ASH1L: variants seen among roughly 807,000 people sequenced by gnomAD.
The protein encoded by ASH1L is ASH1 like histone lysine methyltransferase, also known as histone-lysine N-methyltransferase ASH1L.
Under a neutral mutation model 269.0 loss-of-function variants are expected in ASH1L, and 23 were observed. The observed-to-expected ratio is 0.09, with a 90% CI of 0.06 to 0.12. ASH1L has a LOEUF of 0.12. Ranked by LOEUF, ASH1L falls within the 10% of genes least tolerant of loss-of-function variation. The probability of loss-of-function intolerance (pLI) is 1.00; values close to 1 mark genes in which losing one functional copy is unlikely to be tolerated. For missense variants in ASH1L, 2,912 were observed against 3,567.8 expected (o/e 0.82, Z 4.68); for synonymous variants, 1,187 against 1,253.5 (o/e 0.95, Z 1.12).
intron 12 of ASH1L, among the ~76,000 whole-genome samples, chr1:155,364,003 G>A (rs1242386899): frequency 6.6e-6 from 1 of 150,584 alleles, no homozygotes; most frequent in Non-Finnish European, 1.5e-5. Context: ...CCAAAAAAAG[G>A]TATCTTCTGG....
chr1:155,369,978 A>G (rs1024408765), intron 12 of ASH1L, among the ~76,000 whole-genome samples: 5 of 152,190 alleles, frequency 3.3e-5, no homozygotes, highest in African/African-American at 1.2e-4. Context: ...CATGTTGGTC[A>G]GGCTGGTCTC....
chr1:155,404,950 C>T (rs1449140322), intron 6 of ASH1L, among the ~76,000 whole-genome samples: 1 of 151,764 alleles, frequency 6.6e-6, no homozygotes, highest in Non-Finnish European at 1.5e-5. Context: ...ATCGCTTGAA[C>T]CTGGGAAACA....
chr1:155,341,470 C>G (rs1316999477), intron 25 of ASH1L, among the ~76,000 whole-genome samples: 4 of 152,198 alleles, frequency 2.6e-5, no homozygotes, highest in Admixed American at 2.6e-4. Flanking sequence ...GCCACCGCGC[C>G]TGGCTCACAA....
At chr1:155,452,480 T>C (rs1440979430) in intron 4 of ASH1L, among the ~76,000 whole-genome samples, 1 of 152,232 alleles carries the variant, frequency 6.6e-6, no homozygotes, top group African/African-American at 2.4e-5. Context: ...CCTTGAATCC[T>C]GTTTTAAATC....
intron 1 of ASH1L, among the ~76,000 whole-genome samples, chr1:155,542,702 A>G (rs578078137): frequency 1.6e-4 from 23 of 144,904 alleles, no homozygotes; most frequent in South Asian, 1.1e-3. Flanking sequence ...TTTTTTGAGA[A>G]GGAGTCTCAT....
At chr1:155,538,460 C>T (rs1407527003) in intron 1 of ASH1L, among the ~76,000 whole-genome samples, 2 of 151,692 alleles carry the variant, frequency 1.3e-5, no homozygotes, top group Non-Finnish European at 2.9e-5. Flanking sequence ...TGGGTTCAAG[C>T]GAGTCTCCTG....
intron 1 of ASH1L, among the ~76,000 whole-genome samples, chr1:155,547,616 G>A (rs748721406): frequency 1.3e-5 from 2 of 151,898 alleles, no homozygotes; most frequent in African/African-American, 2.4e-5. Context: ...CTGGCTACTC[G>A]GGAAGCTGAG....
intron 3 of ASH1L, among the ~76,000 whole-genome samples, chr1:155,461,045 TA>T (rs1272553276): frequency 4.6e-5 from 7 of 152,162 alleles, no homozygotes; most frequent in Non-Finnish European, 1.5e-5. Flanking sequence ...CTGAAATGCT[TA>T]TTGATGGGAA....
At chr1:155,405,533 T>C (rs1167554232) in intron 6 of ASH1L, among the ~76,000 whole-genome samples, 2 of 151,934 alleles carry the variant, frequency 1.3e-5, no homozygotes, top group African/African-American at 4.8e-5. Context: ...AAAGTTTTGG[T>C]TAAAGATCAA....
At chr1:155,436,681 G>C (rs1662126017) in intron 5 of ASH1L, among the ~76,000 whole-genome samples, 1 of 151,378 alleles carries the variant, frequency 6.6e-6, no homozygotes, top group Non-Finnish European at 1.5e-5. Flanking sequence ...ATTTTTAGTA[G>C]AGACGGGGTT....
intron 2 of ASH1L, among the ~76,000 whole-genome samples, chr1:155,500,533 C>CA (rs1667435441): frequency 6.6e-6 from 1 of 151,906 alleles, no homozygotes; most frequent in African/African-American, 2.4e-5. Context: ...ATAATGTAGA[C>CA]ATGCATTCTG....
At chr1:155,337,832 C>G (rs1360619845) in intron 27 of ASH1L, 81 bp from the exon 28 acceptor site, 2 of 1,325,342 alleles carry the variant, frequency 1.5e-6, no homozygotes, top group Admixed American at 1.7e-5. Flanking sequence ...GGAGAGCACA[C>G]GAACTCAATG....
At position 155,480,035 on chromosome 1, in the gene ASH1L, T is replaced by C. The variant is rs755210001; in HGVS notation, c.2835A>G (p.Pro945=). The change falls in exon 3 of 28, where the codon CCA becomes CCG. Residue 945 remains proline, a synonymous_variant. Coordinates refer to ENST00000392403, the MANE Select transcript of ASH1L (RefSeq NM_018489.3). ...FFESEDQLQD[P]DDLDDSHRPS... The stretch of plus-strand genomic sequence containing the variant: ...GCCTATGACTGTCATCTAGGTCATC[T>C]GGATCCTGAAGTTGATCCTCGCTCT... The C allele has an allele frequency of 2.4e-5, 38 of 1,614,034 alleles. No individual in the cohort carries two copies. Among genetic ancestry groups the C allele is most frequent in the Non-Finnish European group, 3.2e-5 (38 of 1,180,030 alleles).
chr1:155,484,326 T>TA, intron 2 of ASH1L, among the ~76,000 whole-genome samples: 2 of 151,442 alleles, frequency 1.3e-5, no homozygotes, highest in Admixed American at 6.6e-5. Context: ...CCATCTCTAC[T>TA]AAAAATACAA....
Position 155,484,962 on chromosome 1 carries a change from C to CA in ASH1L, c.421-2514dup, listed in dbSNP as rs112179521. 9.4e-3 allele frequency among the ~76,000 whole-genome samples: 1,154 copies of CA among 122,396 alleles called. 25 individuals carry two copies. The highest frequency in any genetic ancestry group is 0.035 in the African/African-American group (1,068 of 30,698). 80.3% of individuals were successfully genotyped at this position (122,396 alleles called of 152,430 possible). On this transcript the variant is annotated intron_variant, in intron 2 of 27. Transcript: ENST00000392403. Reference sequence around the variant, plus strand: ...AAAAAAACAAAAACAAAAACAAAAACAAAAACCAACCAACCACCCGGTGCA... The same window carrying CA: ...AAAAAAACAAAAACAAAAACAAAAACAAAAAACCAACCAACCACCCGGTGCA...
intron 2 of ASH1L, among the ~76,000 whole-genome samples, chr1:155,490,206 T>C (rs563286690): frequency 1.7e-3 from 251 of 151,936 alleles, no homozygotes; most frequent in Middle Eastern, 3.4e-3. Context: ...CCTTGTGATC[T>C]GCCCACCTCG....
Position 155,479,538 on chromosome 1 carries a change from G to A in ASH1L, c.3332C>T (p.Ser1111Phe), listed in dbSNP as rs764809432. ...EILPSPICSQSSGTSGGQSPV... is the reference protein window; with the variant it reads ...EILPSPICSQFSGTSGGQSPV... ...GCTCTGACCTCCACTAGTCCCAGAA[G>A]ACTGAGAGCAAATAGGTGATGGAAG... Residue 1111 changes from serine to phenylalanine, a missense_variant, in exon 3 of 28, where the codon TCT becomes TTT. Physicochemically the swap from Ser to Phe is radical, Grantham distance 155 (BLOSUM62 -2). Around this residue, in one of 13 missense-constraint regions of ASH1L, gnomAD observed 157 missense variants for 154.6 expected, o/e 1.02. Transcript: ENST00000392403. The A allele has an allele frequency of 6.2e-7, 1 of 1,614,072 alleles. No individual in the cohort carries two copies. Among genetic ancestry groups the A allele is most frequent in the Non-Finnish European group, 8.5e-7 (1 of 1,180,036 alleles).
chr1:155,559,899 C>G (rs1463447650), intron 1 of ASH1L, among the ~76,000 whole-genome samples: 1 of 152,140 alleles, frequency 6.6e-6, no homozygotes, highest in Non-Finnish European at 1.5e-5. Flanking sequence ...AAAAGACAAA[C>G]CCACTTCTCA....
intron 7 of ASH1L, 42 bp downstream of exon 7, chr1:155,395,417 C>T (rs1658260588): frequency 7.1e-7 from 1 of 1,410,504 alleles, no homozygotes; most frequent in Non-Finnish European, 9.7e-7. Flanking sequence ...CCAGGAAATA[C>T]TGTTTCTTCT....
Sources: gnomAD v4.1 joint callset for allele counts (sites outside exome capture counted in the v4.1 genomes callset) on GRCh38, gnomAD v4.1.1 for gene constraint, gnomAD v4.1.1 regional missense constraint, MANE v1.5 for transcripts, NCBI Gene and HGNC (gene_info 2026-07-23, HGNC 2026-07-21) for gene names.